LRRC7: variants seen among roughly 807,000 people sequenced by gnomAD.
LRRC7 encodes leucine rich repeat containing 7.
A neutral mutation model predicts 175.7 loss-of-function variants in LRRC7; 23 were observed. The ratio of observed to expected loss-of-function variants is 0.13; its 90% CI spans 0.09 to 0.19. The LOEUF is 0.19. Ranked by LOEUF, LRRC7 falls within the 10% of genes least tolerant of loss-of-function variation. The probability of loss-of-function intolerance (pLI) is 1.00; values close to 1 mark genes in which losing one functional copy is unlikely to be tolerated. For synonymous variants in LRRC7, 685 were observed against 680.9 expected, an observed-to-expected ratio of 1.01 and a Z score of -0.09; for missense variants, 1,354 against 1,904.7, an observed-to-expected ratio of 0.71 and a Z score of 5.38.
At chr1:69,840,672 T>A (rs959948044) in intron 7 of LRRC7, among the ~76,000 whole-genome samples, 1 of 152,080 alleles carries the variant, frequency 6.6e-6, no homozygotes, top group South Asian at 2.1e-4. Flanking sequence ...AAATTAGTAT[T>A]ATAAGTTTCC....
At chr1:69,879,120 T>C (rs1022621516) in intron 7 of LRRC7, among the ~76,000 whole-genome samples, 2 of 148,224 alleles carry the variant, frequency 1.3e-5, no homozygotes, top group Non-Finnish European at 3.0e-5. Context: ...GGAATGTGAA[T>C]ATTAGGGAAA....
intron 1 of LRRC7, among the ~76,000 whole-genome samples, chr1:69,588,012 C>T (rs1646473769): frequency 6.6e-6 from 1 of 152,178 alleles, no homozygotes; most frequent in African/African-American, 2.4e-5. Context: ...TAAAAATATA[C>T]CCTGTCTTGC....
intron 2 of LRRC7, among the ~76,000 whole-genome samples, chr1:69,738,837 T>C (rs1210680077): frequency 6.6e-6 from 1 of 151,878 alleles, no homozygotes; most frequent in African/African-American, 2.4e-5. Flanking sequence ...AAAACTTAAG[T>C]GGACCCTGGA....
intron 25 of LRRC7, among the ~76,000 whole-genome samples, chr1:70,097,966 G>T (rs1664534339): frequency 6.6e-6 from 1 of 150,466 alleles, no homozygotes; most frequent in African/African-American, 2.5e-5. Flanking sequence ...TAGTCCTTTG[G>T]GTATATACCC....
chr1:70,041,632 T>C (rs767187210), intron 21 of LRRC7, among the ~76,000 whole-genome samples: 2 of 152,350 alleles, frequency 1.3e-5, no homozygotes, highest in East Asian at 3.9e-4. Context: ...CAGGGTAAGA[T>C]GAACTAGTCA....
intron 8 of LRRC7, among the ~76,000 whole-genome samples, chr1:69,938,081 A>G (rs1434026002): frequency 6.6e-6 from 1 of 152,028 alleles, no homozygotes; most frequent in Non-Finnish European, 1.5e-5. Context: ...AGCAGCAAAA[A>G]TATTTAAAGA....
chr1:69,709,192 TA>T (rs1256070813), intron 2 of LRRC7, among the ~76,000 whole-genome samples: 1 of 152,198 alleles, frequency 6.6e-6, no homozygotes, highest in Admixed American at 6.5e-5. Flanking sequence ...AACTCCAAAA[TA>T]ACATAGTAAA....
chr1:69,578,915 GTACCCTAAAAC>G lies in LRRC7; in HGVS notation c.2+10276_2+10286del, dbSNP rs1263135966. Among the ~76,000 whole-genome samples the G allele has an allele frequency of 2.0e-3, 308 of 151,104 alleles. 2 individuals carry two copies. Among genetic ancestry groups the G allele is most frequent in the African/African-American group, 7.2e-3 (296 of 41,182 alleles). On this transcript the variant is annotated intron_variant, in intron 1 of 26. Transcript: ENST00000651989. ...TATGTAACCTGCACATTGTGCACAT[GTACCCTAAAAC>G]TTAAAGTATAATAATAATAAAATAA...
intron 19 of LRRC7, 65 bp from the exon 20 acceptor site, chr1:70,036,379 A>C: frequency 6.7e-7 from 1 of 1,501,424 alleles, no homozygotes. Context: ...TCCATTTTTC[A>C]TACTTGCTTT....
chr1:70,078,009 G>A (rs535588685), intron 24 of LRRC7, among the ~76,000 whole-genome samples: 57 of 152,132 alleles, frequency 3.7e-4, no homozygotes, highest in Non-Finnish European at 1.5e-4. Flanking sequence ...AGTTTTTTCT[G>A]CCTTGGTTTC....
chr1:69,702,473 C>G (rs1052206069), intron 2 of LRRC7, among the ~76,000 whole-genome samples: 3 of 152,098 alleles, frequency 2.0e-5, no homozygotes, highest in Admixed American at 1.3e-4. Context: ...CATCATTGAC[C>G]GCAAAATGAT....
rs79813955 is a variant in LRRC7, at chr1:70,093,795, T to C, written c.4545+3976T>C. On this transcript the variant is annotated intron_variant, in intron 25 of 26. Coordinates refer to ENST00000651989, the MANE Select transcript of LRRC7 (RefSeq NM_001370785.2). ...TCTGCCAATGGAGCAAGCCACAATA[T>C]TCTTTGCTTGTATGTAAGCACTCAT... Among the ~76,000 whole-genome samples, 1,211 of 152,310 alleles carry C rather than the reference T, an allele frequency of 8.0e-3. 24 individuals carry two copies. Among genetic ancestry groups the C allele is most frequent in the African/African-American group, 0.028 (1,161 of 41,564 alleles).
At chr1:70,101,312 T>C (rs1398050704) in intron 25 of LRRC7, among the ~76,000 whole-genome samples, 12 of 152,204 alleles carry the variant, frequency 7.9e-5, no homozygotes, top group Non-Finnish European at 1.0e-4. Flanking sequence ...TAATTTTTAC[T>C]TGAGATATAG....
intron 26 of LRRC7, among the ~76,000 whole-genome samples, chr1:70,108,118 TTAA>T (rs1665268845): frequency 6.7e-6 from 1 of 150,034 alleles, no homozygotes; most frequent in Non-Finnish European, 1.5e-5. Flanking sequence ...TATATATATA[TTAA>T]TCTATGCATA....
chr1:69,608,379 T>C (rs1773323), intron 1 of LRRC7: 1 of 151,802 alleles, frequency 6.6e-6, no homozygotes, highest in African/African-American at 2.4e-5. Flanking sequence ...CATGGACCTG[T>C]GCCCCAAGAC....
chr1:69,594,056 G>A (rs186819511), intron 1 of LRRC7, among the ~76,000 whole-genome samples: 52 of 152,192 alleles, frequency 3.4e-4, no homozygotes, highest in African/African-American at 1.0e-3. Flanking sequence ...TATTGAGATG[G>A]ATGGATAAAA....
intron 7 of LRRC7, among the ~76,000 whole-genome samples, chr1:69,888,316 C>T (rs1645717595): frequency 6.6e-6 from 1 of 152,190 alleles, no homozygotes; most frequent in African/African-American, 2.4e-5. Flanking sequence ...GATATAATCT[C>T]ATGGTGCGCC....
rs36159703 is a variant in LRRC7, at chr1:69,764,726, T to TAGACAGACAGAC, written c.303+4340_303+4341insCAGACAGACAGA. On this transcript the variant is annotated intron_variant, in intron 3 of 26. Transcript: ENST00000651989. ...GTGGATAGATAGGTAGGTAGATAGATAGACAGATAGATAGATAGATAGATA... is the reference window on the plus strand; with the variant it reads ...GTGGATAGATAGGTAGGTAGATAGATAGACAGACAGACAGACAGATAGATAGATAGATAGATA... Among the ~76,000 whole-genome samples, 646 of 142,548 alleles carry TAGACAGACAGAC rather than the reference T, an allele frequency of 4.5e-3. 2 individuals carry two copies. The highest frequency in any genetic ancestry group is 0.016 in the African/African-American group (604 of 38,430). The allele number at this position is 142,548 out of a possible 152,430, so 93.5% of individuals were successfully genotyped here.
chr1:69,719,352 C>T (rs535162916), intron 2 of LRRC7, among the ~76,000 whole-genome samples: 201 of 151,672 alleles, frequency 1.3e-3, no homozygotes, highest in African/African-American at 4.5e-3. Context: ...CAGTTCTTTC[C>T]TCTCTTTGGA....
Sources: gnomAD v4.1 joint callset for allele counts (sites outside exome capture counted in the v4.1 genomes callset) on GRCh38, gnomAD v4.1.1 for gene constraint, MANE v1.5 for transcripts, NCBI Gene and HGNC (gene_info 2026-07-23, HGNC 2026-07-21) for gene names.